HDLBP: variants seen among roughly 807,000 people sequenced by gnomAD.
HDLBP encodes high density lipoprotein binding protein, also known as vigilin.
In HDLBP, 30 loss-of-function variants were observed where a neutral mutation model predicts 137.3. The observed-to-expected ratio is 0.22, with a 90% CI of 0.16 to 0.30. The LOEUF (loss-of-function observed/expected upper bound fraction) is 0.30. Ranked by LOEUF, HDLBP falls within the 10% of genes least tolerant of loss-of-function variation. HDLBP has a pLI of 1.00. For synonymous variants in HDLBP, 606 were observed against 596.0 expected (o/e 1.02, Z -0.24); for missense variants, 1,119 against 1,667.3 (o/e 0.67, Z 5.73).
intron 14 of HDLBP, among the ~76,000 whole-genome samples, chr2:241,247,798 T>C (rs1479507656): frequency 6.6e-6 from 1 of 152,162 alleles, no homozygotes; most frequent in African/African-American, 2.4e-5. Flanking sequence ...ACTGCAGTCT[T>C]AACAATGACT....
intron 24 of HDLBP, 62 bp from the exon 25 acceptor site, chr2:241,231,006 G>C: frequency 2.0e-6 from 3 of 1,468,168 alleles, no homozygotes; most frequent in Non-Finnish European, 2.8e-6. Flanking sequence ...TCAGGGGCAA[G>C]AGCCGGCCCC....
At chr2:241,271,643 A>T (rs1356020170) in intron 1 of HDLBP, among the ~76,000 whole-genome samples, 1 of 152,244 alleles carries the variant, frequency 6.6e-6, no homozygotes, top group East Asian at 1.9e-4. Flanking sequence ...AATTATCAGT[A>T]ATACTCCAGG....
intron 1 of HDLBP, among the ~76,000 whole-genome samples, chr2:241,276,802 A>T (rs2074402936): frequency 6.6e-6 from 1 of 152,186 alleles, no homozygotes; most frequent in Non-Finnish European, 1.5e-5. Context: ...TAAAAACTGA[A>T]GGTTACTAGG....
At chr2:241,250,040 A>AT in intron 11 of HDLBP, 60 bp from the exon 12 acceptor site, 1 of 1,519,334 alleles carries the variant, frequency 6.6e-7, no homozygotes, top group South Asian at 1.3e-5. Flanking sequence ...TGCCAATGAC[A>AT]TAACTGGGCA....
chr2:241,258,534 A>C (rs2072907055), intron 5 of HDLBP, among the ~76,000 whole-genome samples: 4 of 152,100 alleles, frequency 2.6e-5, no homozygotes, highest in African/African-American at 9.6e-5. Flanking sequence ...ACAACAAACA[A>C]AAAAATAGTG....
chr2:241,253,904 A>G (rs2072404703), intron 9 of HDLBP, among the ~76,000 whole-genome samples: 1 of 152,202 alleles, frequency 6.6e-6, no homozygotes, highest in Middle Eastern at 3.2e-3. Context: ...AACTTGCTTG[A>G]CATAGACAAG....
chr2:241,298,484 TAAC>T (rs2075269295), intron 1 of HDLBP, among the ~76,000 whole-genome samples: 1 of 152,008 alleles, frequency 6.6e-6, no homozygotes, highest in Non-Finnish European at 1.5e-5. Flanking sequence ...GGCAAAAGGG[TAAC>T]AATCAACCGA....
chr2:241,300,978 T>TATA lies in HDLBP; in HGVS notation c.-103+14591_-103+14592insTAT, dbSNP rs976217084. Among the ~76,000 whole-genome samples the TATA allele has an allele frequency of 5.4e-5, 8 of 148,906 alleles. No individual in the cohort carries two copies. In the East Asian group the frequency reaches 1.4e-3, roughly 25 times the overall value. ...TTATTATTATTATTATTATTATTAT[T>TATA]ATTATTATTATTATTTTGAGACGAG... is the stretch of plus-strand genomic sequence containing the variant. On this transcript the variant is annotated intron_variant, in intron 1 of 27. Transcript: ENST00000310931.
intron 1 of HDLBP, among the ~76,000 whole-genome samples, chr2:241,271,346 C>T (rs2074021826): frequency 6.6e-6 from 1 of 152,086 alleles, no homozygotes; most frequent in African/African-American, 2.4e-5. Flanking sequence ...CAGAATTTAA[C>T]TTTCAGCAAA....
chr2:241,298,237 G>A (rs1478930511), intron 1 of HDLBP, among the ~76,000 whole-genome samples: 2 of 151,694 alleles, frequency 1.3e-5, no homozygotes, highest in African/African-American at 2.4e-5. Context: ...GTGGTGGCGC[G>A]TGCCTGTAAT....
chr2:241,257,673 T>C lies in HDLBP; in HGVS notation c.451-867A>G, dbSNP rs1471240348. 1.3e-5 allele frequency among the ~76,000 whole-genome samples: 2 copies of C among 152,248 alleles called. 1 individual carries two copies. The highest frequency in any genetic ancestry group is 4.8e-5 in the African/African-American group (2 of 41,474). On this transcript the variant is annotated intron_variant, in intron 5 of 27. Transcript: ENST00000310931. ...ATAGCTAACAGAAGGTTTAAGTAGA[T>C]GGCGATCATCCCAATTAACTTTAAA...
rs140776659 is a variant in HDLBP at position 241,230,914 on chromosome 2, C to G, written c.3319G>C (p.Glu1107Gln). The change falls in exon 25 of 28, where the codon GAA becomes CAA. Residue 1107 changes from glutamate (E) to glutamine (Q), a missense_variant. By Grantham distance (29) the Glu-to-Gln change is conservative. Transcript: ENST00000310931. The surrounding 1 kb of genome is among the most constrained non-coding windows in gnomAD (Gnocchi z 5.0). ...PQDQITITGY[E>Q]KNTEAARDAI... ...TCCCTGGCAGCTTCTGTGTTCTTTT[C>G]GTACCCTGTGATGGTAATTTGGTCC... 1.4e-5 allele frequency: 22 copies of G among 1,614,006 alleles called. No homozygotes were observed. Among genetic ancestry groups the G allele is most frequent in the Non-Finnish European group, 1.7e-5 (20 of 1,179,964 alleles).
chr2:241,288,460 G>A (rs915572746), intron 1 of HDLBP, among the ~76,000 whole-genome samples: 4 of 152,128 alleles, frequency 2.6e-5, no homozygotes, highest in Non-Finnish European at 5.9e-5. Flanking sequence ...CACTAAGAGT[G>A]AGCATGCTTT....
chr2:241,276,047 G>C (rs1168630807), intron 1 of HDLBP, among the ~76,000 whole-genome samples: 2 of 152,092 alleles, frequency 1.3e-5, no homozygotes, highest in Admixed American at 1.3e-4. Flanking sequence ...TTAAATTATA[G>C]ATAGGTACGT....
chr2:241,293,929 A>C (rs1314985153), intron 1 of HDLBP, among the ~76,000 whole-genome samples: 3 of 151,920 alleles, frequency 2.0e-5, no homozygotes, highest in South Asian at 2.1e-4. Flanking sequence ...CTCAAAAAAA[A>C]AAAAAAACAA....
At chr2:241,314,448 C>T (rs2075917023) in intron 1 of HDLBP, among the ~76,000 whole-genome samples, 1 of 152,138 alleles carries the variant, frequency 6.6e-6, no homozygotes, top group African/African-American at 2.4e-5. Flanking sequence ...CTTAAGCAGA[C>T]ACCAAATAAA....
At position 241,255,502 on chromosome 2, in the gene HDLBP, A is replaced by G; in HGVS notation, c.952T>C (p.Leu318=). 1 of 1,613,996 alleles carries G rather than the reference A, an allele frequency of 6.2e-7. No individual in the cohort carries two copies. Among genetic ancestry groups the G allele is most frequent in the Non-Finnish European group, 8.5e-7 (1 of 1,179,844 alleles). The change falls in exon 8 of 28, where the codon TTG becomes CTG. Residue 318 remains leucine, a synonymous_variant. Transcript: ENST00000310931. ...KYVIGPKGNS[L]QEILERTGVS... ...CCAGTTCTCTCAAGGATCTCCTGCA[A>G]TGAATTGCCCTTGGGCCCAATGACA...
At chr2:241,250,659 G>A (rs1332545351) in intron 11 of HDLBP, 1 of 152,296 alleles carries the variant, frequency 6.6e-6, no homozygotes, top group Non-Finnish European at 1.5e-5. Context: ...GGGAAGCCCA[G>A]CTTGCTGGAA....
At chr2:241,290,298 GCT>G (rs2074969943) in intron 1 of HDLBP, among the ~76,000 whole-genome samples, 1 of 152,156 alleles carries the variant, frequency 6.6e-6, no homozygotes, top group African/African-American at 2.4e-5. Context: ...AAGAGTAACA[GCT>G]CTGTTTTAGA....
Sources: allele counts gnomAD v4.1 joint callset (sites outside exome capture counted in the v4.1 genomes callset), GRCh38; gene constraint gnomAD v4.1.1; non-coding constraint Gnocchi (gnomAD v3.1); transcripts MANE v1.5; gene names NCBI Gene and HGNC (gene_info 2026-07-23, HGNC 2026-07-21).